SMCHD1: variants seen among roughly 807,000 people sequenced by gnomAD.
SMCHD1 encodes the protein structural maintenance of chromosomes flexible hinge domain-containing protein 1.
In SMCHD1, 78 loss-of-function variants were observed where a neutral mutation model predicts 254.7. The observed-to-expected ratio is 0.31, with a 90% CI of 0.26 to 0.37. The LOEUF (loss-of-function observed/expected upper bound fraction) is 0.37, where lower values mean the gene tolerates loss of function less well. Among genes scored for constraint, SMCHD1 ranks in the 10% least tolerant of loss-of-function variants. The pLI is 1.00. For synonymous variants in SMCHD1, 766 were observed against 794.9 expected (o/e 0.96, Z 0.61); for missense variants, 1,840 against 2,408.1 (o/e 0.76, Z 4.94).
intron 44 of SMCHD1, 29 bp from the exon 45 acceptor site, chr18:2,784,421 A>T: frequency 6.4e-7 from 1 of 1,551,250 alleles, no homozygotes; most frequent in Admixed American, 2.1e-5. Flanking sequence ...TAAGTTGCTC[A>T]CTACTTACTA....
At chr18:2,770,473 A>G (rs2075957837) in intron 39 of SMCHD1, among the ~76,000 whole-genome samples, 1 of 152,206 alleles carries the variant, frequency 6.6e-6, no homozygotes, top group Admixed American at 6.5e-5. Flanking sequence ...TCATTTGGGT[A>G]ATGAGCTGTT....
intron 37 of SMCHD1, among the ~76,000 whole-genome samples, chr18:2,767,010 A>G (rs1375679214): frequency 6.6e-6 from 1 of 152,198 alleles, no homozygotes; most frequent in East Asian, 1.9e-4. Flanking sequence ...CTATAACCTT[A>G]ACACTTTGGG....
intron 15 of SMCHD1, 56 bp downstream of exon 15, chr18:2,706,526 C>CT: frequency 8.1e-7 from 1 of 1,228,574 alleles, no homozygotes; most frequent in Non-Finnish European, 1.2e-6. Flanking sequence ...AAGAATTGTG[C>CT]TGTAAGTATT....
intron 2 of SMCHD1, 46 bp downstream of exon 2, chr18:2,666,278 GT>G: frequency 2.3e-6 from 2 of 884,840 alleles, no homozygotes; most frequent in South Asian, 1.6e-5. Flanking sequence ...ATTTAATAAG[GT>G]TTAGTACATA....
chr18:2,754,235 G>A (rs758465754), intron 34 of SMCHD1, among the ~76,000 whole-genome samples: 20 of 151,942 alleles, frequency 1.3e-4, no homozygotes, highest in Non-Finnish European at 2.5e-4. Flanking sequence ...TTACATTTAG[G>A]TCATCAACAC....
intron 5 of SMCHD1, among the ~76,000 whole-genome samples, chr18:2,681,801 G>A (rs1364495421): frequency 6.6e-6 from 1 of 152,048 alleles, no homozygotes; most frequent in Admixed American, 6.6e-5. Context: ...TACTCTTTCT[G>A]CACTTTCAAC....
chr18:2,802,499 A>G, intron 47 of SMCHD1, 29 bp from the exon 48 acceptor site: 2 of 1,542,252 alleles, frequency 1.3e-6, no homozygotes, highest in Non-Finnish European at 1.8e-6. Context: ...TTGGTACATA[A>G]AACTTTTTTT....
rs2075567734 is a variant in SMCHD1 at position 2,751,371 on chromosome 18, G to A, written c.4259G>A (p.Ser1420Asn). 2.5e-6 allele frequency: 4 copies of A among 1,573,256 alleles called. No individual in the cohort carries two copies. The highest frequency in any genetic ancestry group is 3.4e-6 in the Non-Finnish European group (4 of 1,165,644). Residue 1420 changes from serine (S) to asparagine (N), a missense_variant, in exon 33 of 48, where the codon AGT becomes AAT. By Grantham distance (46) the Ser-to-Asn change is conservative (BLOSUM62 1). This residue lies in a region of SMCHD1 where 881 missense variants were observed against 1,009.5 expected (regional missense o/e 0.87). Coordinates refer to ENST00000320876, the MANE Select transcript of SMCHD1 (RefSeq NM_015295.3). ...ATGAAAATGTGGAAGCTGTCTACCA[G>A]TGGGAACCGACCCCCAGCAAATGTG... The part of the protein sequence containing the change: ...ISMKMWKLST[S>N]GNRPPANAET...
At position 2,742,634 on chromosome 18, in the gene SMCHD1, T is replaced by C. The variant is rs574689413; in HGVS notation, c.3634-1127T>C. On this transcript the variant is annotated intron_variant, in intron 28 of 47. Coordinates refer to ENST00000320876, the MANE Select transcript of SMCHD1 (RefSeq NM_015295.3). ...ATAAAATATTCTGTTCTACAGATCA[T>C]TGTTTGAGAACATAAAACATGAAGT... Among the ~76,000 whole-genome samples the C allele has an allele frequency of 1.2e-4, 19 of 152,320 alleles. 1 individual carries two copies. In the South Asian group the frequency reaches 3.7e-3, roughly 30 times the overall value.
At chr18:2,801,348 A>G (rs1305702531) in intron 47 of SMCHD1, 3 of 152,148 alleles carry the variant, frequency 2.0e-5, no homozygotes, top group Non-Finnish European at 2.9e-5. Context: ...CAAAGCTATC[A>G]TTTGTTTAGC....
intron 9 of SMCHD1, among the ~76,000 whole-genome samples, chr18:2,697,377 A>G (rs1263018277): frequency 6.6e-6 from 1 of 152,200 alleles, no homozygotes; most frequent in Non-Finnish European, 1.5e-5. Flanking sequence ...GTTACTGAAC[A>G]TCAATCATCT....
At chr18:2,711,018 C>G (rs1303086880) in intron 17 of SMCHD1, among the ~76,000 whole-genome samples, 1 of 151,892 alleles carries the variant, frequency 6.6e-6, no homozygotes, top group African/African-American at 2.4e-5. Context: ...ACTCTGTCAC[C>G]CAGGCTGGAA....
intron 47 of SMCHD1, among the ~76,000 whole-genome samples, chr18:2,798,311 TG>T (rs1178907868): frequency 2.0e-5 from 3 of 152,226 alleles, no homozygotes; most frequent in Non-Finnish European, 4.4e-5. Flanking sequence ...GATGTGTTCA[TG>T]GGCATGAGGT....
intron 1 of SMCHD1, among the ~76,000 whole-genome samples, chr18:2,658,881 CATAT>C (rs968763593): frequency 2.0e-5 from 3 of 149,020 alleles, no homozygotes; most frequent in Admixed American, 1.3e-4. Flanking sequence ...CACATACACA[CATAT>C]ATACACATAT....
chr18:2,781,377 A>C lies in SMCHD1; in HGVS notation c.5548-3073A>C, dbSNP rs137993419. The stretch of plus-strand genomic sequence containing the variant: ...GTATTCATACTACTTGGATGTTCTG[A>C]AAACCTTCACGGTAAACATTTGGTT... On this transcript the variant is annotated intron_variant, in intron 44 of 47. Coordinates refer to ENST00000320876, the MANE Select transcript of SMCHD1 (RefSeq NM_015295.3). Among the ~76,000 whole-genome samples, 204 of 152,360 alleles carry C rather than the reference A, an allele frequency of 1.3e-3. 2 individuals carry two copies. In the Middle Eastern group the frequency reaches 0.031, roughly 23 times the overall value.
intron 28 of SMCHD1, among the ~76,000 whole-genome samples, chr18:2,743,400 GACAA>G (rs1408624035): frequency 7.3e-6 from 1 of 136,920 alleles, no homozygotes; most frequent in African/African-American, 2.6e-5. Context: ...AAAATCTAAA[GACAA>G]ACAGTGTGTA....
In SMCHD1 at chr18:2,700,728, G is replaced by C. The variant is rs1347095679; in HGVS notation, c.1464-7G>C. On this transcript the variant is annotated splice_region_variant and splice_polypyrimidine_tract_variant and intron_variant, in intron 11 of 47. Coordinates refer to ENST00000320876, the MANE Select transcript of SMCHD1 (RefSeq NM_015295.3). Reference sequence around the variant, plus strand: ...CTTTTACTAACTAACATTTTGTTCTGTTCAAGCTTTGACTGGTGTACTCCT... The same window carrying C: ...CTTTTACTAACTAACATTTTGTTCTCTTCAAGCTTTGACTGGTGTACTCCT... 2 of 1,607,990 alleles carry C rather than the reference G, an allele frequency of 1.2e-6. No individual in the cohort carries two copies. Among genetic ancestry groups the C allele is most frequent in the Non-Finnish European group, 1.7e-6 (2 of 1,177,074 alleles).
intron 3 of SMCHD1, 50 bp from the exon 4 acceptor site, chr18:2,673,230 TA>T: frequency 6.6e-7 from 1 of 1,507,104 alleles, no homozygotes; most frequent in Non-Finnish European, 8.9e-7. Context: ...AACTTTTATA[TA>T]AAGTATGTGG....
chr18:2,679,207 C>T (rs2073861853), intron 5 of SMCHD1, among the ~76,000 whole-genome samples: 1 of 147,982 alleles, frequency 6.8e-6, no homozygotes, highest in African/African-American at 2.5e-5. Flanking sequence ...GGGCCGGGCG[C>T]AGTGGCTCGC....
Sources: gnomAD v4.1 joint callset for allele counts (sites outside exome capture counted in the v4.1 genomes callset) on GRCh38, gnomAD v4.1.1 for gene constraint, gnomAD v4.1.1 regional missense constraint, MANE v1.5 for transcripts, NCBI Gene and HGNC (gene_info 2026-07-23, HGNC 2026-07-21) for gene names.